The following CMTM8 variants were observed in gnomAD, a reference collection of about 807,000 sequenced individuals.
CMTM8 encodes CKLF like MARVEL transmembrane domain containing 8.
Under a neutral mutation model 18.6 loss-of-function variants are expected in CMTM8, and 12 were observed. The observed-to-expected ratio is 0.65, with a 90% CI of 0.41 to 1.05. The LOEUF is 1.05. CMTM8 is among the 50% of genes least tolerant of loss of function. The probability of loss-of-function intolerance (pLI) is 0.00; values close to 1 mark genes in which losing one functional copy is unlikely to be tolerated. For synonymous variants in CMTM8, 87 were observed against 90.6 expected, an observed-to-expected ratio of 0.96 and a Z score of 0.23; for missense variants, 217 against 227.2, an observed-to-expected ratio of 0.95 and a Z score of 0.29.
At chr3:32,252,634 A>C (rs561824637) in intron 1 of CMTM8, among the ~76,000 whole-genome samples, 4 of 152,208 alleles carry the variant, frequency 2.6e-5, no homozygotes, top group Admixed American at 6.6e-5. Context: ...GTCAAAAATG[A>C]ATTGGATTTC....
At chr3:32,333,790 A>G (rs889723398) in intron 1 of CMTM8, among the ~76,000 whole-genome samples, 6 of 152,082 alleles carry the variant, frequency 3.9e-5, no homozygotes, top group Non-Finnish European at 8.8e-5. Flanking sequence ...TGATGGATAC[A>G]TGTCATTATA....
At chr3:32,307,194 G>T (rs1695731099) in intron 1 of CMTM8, among the ~76,000 whole-genome samples, 1 of 152,188 alleles carries the variant, frequency 6.6e-6, no homozygotes, top group African/African-American at 2.4e-5. Context: ...ACAAAAATTA[G>T]CTGGGCATGG....
chr3:32,250,886 C>T (rs1293890031), intron 1 of CMTM8, among the ~76,000 whole-genome samples: 2 of 152,128 alleles, frequency 1.3e-5, no homozygotes, highest in African/African-American at 2.4e-5. Flanking sequence ...AGCCATCATG[C>T]CCAGCCTCCA....
At chr3:32,351,878 G>C (rs1448772753) in intron 1 of CMTM8, among the ~76,000 whole-genome samples, 2 of 151,812 alleles carry the variant, frequency 1.3e-5, no homozygotes, top group Non-Finnish European at 2.9e-5. Context: ...AAATCTATCA[G>C]GCCAGGCACA....
rs2125524532 is a variant in CMTM8, at chr3:32,239,567, C to T, written c.147+448C>T. On this transcript the variant is annotated intron_variant, in intron 1 of 3. Coordinates refer to ENST00000307526, the MANE Select transcript of CMTM8 (RefSeq NM_178868.5). ...TTCCTAATTATCTCCCTGGTAGTAA[C>T]ATTGAGGTGAGTCAGGAAAATTTTA... is the stretch of plus-strand genomic sequence containing the variant. 1.3e-5 allele frequency among the ~76,000 whole-genome samples: 2 copies of T among 152,150 alleles called. 1 individual carries two copies. Among genetic ancestry groups the T allele is most frequent in the South Asian group, 4.1e-4 (2 of 4,822 alleles).
chr3:32,283,499 C>A (rs762793013), intron 1 of CMTM8, among the ~76,000 whole-genome samples: 1 of 152,144 alleles, frequency 6.6e-6, no homozygotes, highest in South Asian at 2.1e-4. Flanking sequence ...CTTCCTTCCC[C>A]ATGCATGAGC....
chr3:32,304,723 T>G (rs1237080652), intron 1 of CMTM8, among the ~76,000 whole-genome samples: 1 of 152,242 alleles, frequency 6.6e-6, no homozygotes, highest in African/African-American at 2.4e-5. Flanking sequence ...TTCTTTCAGC[T>G]TGGTTACATG....
At chr3:32,351,319 T>G (rs1371541798) in intron 1 of CMTM8, among the ~76,000 whole-genome samples, 1 of 152,204 alleles carries the variant, frequency 6.6e-6, no homozygotes, top group African/African-American at 2.4e-5. Context: ...GATGTAAGCA[T>G]ATATACAAAA....
At chr3:32,241,654 C>T (rs116746650) in intron 1 of CMTM8, among the ~76,000 whole-genome samples, 1,899 of 152,240 alleles carry the variant, frequency 0.012, 37 homozygotes, top group Middle Eastern at 0.054. Context: ...TTTTTGACTT[C>T]GGATACTTTC....
intron 1 of CMTM8, among the ~76,000 whole-genome samples, chr3:32,285,051 A>G (rs1168773847): frequency 6.6e-6 from 1 of 152,156 alleles, no homozygotes; most frequent in Non-Finnish European, 1.5e-5. Context: ...CTGGTTCAAG[A>G]GCAAATGGAA....
At chr3:32,321,505 A>G (rs1044854146) in intron 1 of CMTM8, among the ~76,000 whole-genome samples, 1 of 152,108 alleles carries the variant, frequency 6.6e-6, no homozygotes. Context: ...CCCAGACTCC[A>G]TTTGTTGTGA....
At chr3:32,307,001 G>C (rs371314444) in intron 1 of CMTM8, among the ~76,000 whole-genome samples, 1 of 152,122 alleles carries the variant, frequency 6.6e-6, no homozygotes. Flanking sequence ...GAGGACAGGA[G>C]TTTGAGACCA....
At chr3:32,366,118 A>G (rs1277947185) in intron 2 of CMTM8, among the ~76,000 whole-genome samples, 1 of 152,150 alleles carries the variant, frequency 6.6e-6, no homozygotes, top group Admixed American at 6.5e-5. Flanking sequence ...GGAAGTCACA[A>G]AGTTAGGCAT....
intron 1 of CMTM8, among the ~76,000 whole-genome samples, chr3:32,290,431 A>G (rs904465294): frequency 6.6e-6 from 1 of 152,246 alleles, no homozygotes; most frequent in East Asian, 1.9e-4. Flanking sequence ...AACACATTCA[A>G]TGTAATTATA....
At chr3:32,291,328 G>C (rs748156448) in intron 1 of CMTM8, among the ~76,000 whole-genome samples, 4 of 151,560 alleles carry the variant, frequency 2.6e-5, no homozygotes, top group Non-Finnish European at 4.4e-5. Flanking sequence ...TTTTAGTAGA[G>C]ACAGGGTTTC....
In CMTM8 at chr3:32,292,279, T is replaced by C. The variant is rs567723350; in HGVS notation, c.147+53160T>C. 1.3e-3 allele frequency among the ~76,000 whole-genome samples: 202 copies of C among 152,222 alleles called. 1 individual carries two copies. The highest frequency in any genetic ancestry group is 4.0e-3 in the South Asian group (19 of 4,804). ...TTTGAAATCAGAGGAGATTGCGAAA[T>C]TGGAGATTTCAAAGGGACCTTGAGC... On this transcript the variant is annotated intron_variant, in intron 1 of 3. Coordinates refer to ENST00000307526, the MANE Select transcript of CMTM8 (RefSeq NM_178868.5).
chr3:32,363,320 A>G (rs1696971383), intron 2 of CMTM8, among the ~76,000 whole-genome samples: 1 of 152,206 alleles, frequency 6.6e-6, no homozygotes. Context: ...TGGCAGCTTC[A>G]GCACCTGCCA....
intron 1 of CMTM8, among the ~76,000 whole-genome samples, chr3:32,314,380 A>T (rs1695880219): frequency 6.6e-6 from 1 of 152,100 alleles, no homozygotes; most frequent in African/African-American, 2.4e-5. Flanking sequence ...GGGAGGGTTG[A>T]TGCAAGTTCC....
At position 32,334,019 on chromosome 3, in the gene CMTM8, C is replaced by T. The variant is rs536366093; in HGVS notation, c.148-23354C>T. ...TCAAGACAGAGTGTCCCTCTGTCAC[C>T]GAGGCTGGGGTGCAGTGGTGCAATC... On this transcript the variant is annotated intron_variant, in intron 1 of 3. Coordinates refer to ENST00000307526, the MANE Select transcript of CMTM8 (RefSeq NM_178868.5). Among the ~76,000 whole-genome samples, 19 of 151,800 alleles carry T rather than the reference C, an allele frequency of 1.3e-4. No homozygotes were observed. The South Asian group carries it at 3.1e-3, about 25-fold the overall frequency.
Sources: allele counts gnomAD v4.1 joint callset (sites outside exome capture counted in the v4.1 genomes callset), GRCh38; gene constraint gnomAD v4.1.1; transcripts MANE v1.5; gene names NCBI Gene and HGNC (gene_info 2026-07-23, HGNC 2026-07-21).